The following BCO1 variants were observed in gnomAD, a reference collection of about 807,000 sequenced individuals.
BCO1 encodes beta-carotene oxygenase 1, also known as beta,beta-carotene 15,15'-dioxygenase.
Under a neutral mutation model 56.3 loss-of-function variants are expected in BCO1, and 54 were observed. That is an observed-to-expected ratio of 0.96 (90% CI 0.77 to 1.20). The LOEUF (loss-of-function observed/expected upper bound fraction) is 1.20, where lower values mean the gene tolerates loss of function less well. Ranked by LOEUF, BCO1 falls within the 50% of genes most tolerant of loss-of-function variation. The pLI, the probability that BCO1 is intolerant of heterozygous loss-of-function variation, is 0.00. For missense variants in BCO1, 801 were observed against 690.9 expected, an observed-to-expected ratio of 1.16 and a Z score of -1.79; for synonymous variants, 318 against 266.1, an observed-to-expected ratio of 1.20 and a Z score of -1.90.
At chr16:81,283,484 C>A in intron 8 of BCO1, among the ~76,000 whole-genome samples, 1 of 152,154 alleles carries the variant, frequency 6.6e-6, no homozygotes, top group Middle Eastern at 3.4e-3. Flanking sequence ...GTAGTCCCAG[C>A]TACTTGGGAG....
chr16:81,260,712 T>C (rs958606690), intron 3 of BCO1, among the ~76,000 whole-genome samples: 2 of 152,192 alleles, frequency 1.3e-5, no homozygotes, highest in African/African-American at 2.4e-5. Context: ...TTTCACCATG[T>C]TGATCAGGCT....
At chr16:81,264,524 T>G in intron 4 of BCO1, 116 bp from the exon 5 acceptor site, 1 of 1,231,240 alleles carries the variant, frequency 8.1e-7, no homozygotes, top group Non-Finnish European at 1.2e-6. Flanking sequence ...GAACCTAGAA[T>G]CAGTCACGTT....
chr16:81,248,294 T>C (rs1041173443), intron 2 of BCO1, among the ~76,000 whole-genome samples: 4 of 151,560 alleles, frequency 2.6e-5, no homozygotes, highest in Non-Finnish European at 4.4e-5. Flanking sequence ...TCCCAGCTAC[T>C]TGGGAGGCTG....
At chr16:81,249,885 G>A (rs1411817043) in intron 2 of BCO1, among the ~76,000 whole-genome samples, 1 of 152,174 alleles carries the variant, frequency 6.6e-6, no homozygotes, top group Non-Finnish European at 1.5e-5. Context: ...GGCCCAGAGT[G>A]CGGGGAGCCT....
At chr16:81,289,483 A>C (rs1321843834) in intron 10 of BCO1, among the ~76,000 whole-genome samples, 2 of 152,156 alleles carry the variant, frequency 1.3e-5, no homozygotes, top group Non-Finnish European at 2.9e-5. Flanking sequence ...CTGACAAAAA[A>C]TACAAAAATT....
chr16:81,262,705 G>C (rs1166149033), intron 4 of BCO1: 1 of 315,604 alleles, frequency 3.2e-6, no homozygotes, highest in Admixed American at 4.4e-5. Context: ...GCATGTGCCT[G>C]TAATCCCAGC....
chr16:81,247,265 A>G (rs1377798032), intron 2 of BCO1, among the ~76,000 whole-genome samples: 1 of 152,200 alleles, frequency 6.6e-6, no homozygotes. Context: ...TTTCCTCATC[A>G]GTAAAATGAG....
At chr16:81,264,549 A>G in intron 4 of BCO1, 91 bp from the exon 5 acceptor site, 1 of 1,486,134 alleles carries the variant, frequency 6.7e-7, no homozygotes, top group East Asian at 2.3e-5. Flanking sequence ...TAGGACTTCA[A>G]CCTTTCTCCT....
intron 2 of BCO1, among the ~76,000 whole-genome samples, chr16:81,254,657 C>T (rs866154574): frequency 6.6e-6 from 1 of 152,090 alleles, no homozygotes; most frequent in African/African-American, 2.4e-5. Flanking sequence ...CATTCAAATC[C>T]TTTGGCAATG....
At chr16:81,241,706 G>T (rs1337569845) in intron 1 of BCO1, among the ~76,000 whole-genome samples, 1 of 152,186 alleles carries the variant, frequency 6.6e-6, no homozygotes, top group South Asian at 2.1e-4. Context: ...GCAGTGACTT[G>T]CCAAGGCCAG....
chr16:81,239,590 G>A (rs895289597), intron 1 of BCO1, among the ~76,000 whole-genome samples: 1 of 152,134 alleles, frequency 6.6e-6, no homozygotes, highest in Non-Finnish European at 1.5e-5. Context: ...TGATGTATTT[G>A]TGCAAATGTA....
rs1336380501 is a variant in BCO1, at chr16:81,280,233, G to A, written c.1102-624G>A. Among the ~76,000 whole-genome samples, 9 of 116,410 alleles carry A rather than the reference G, an allele frequency of 7.7e-5. No homozygotes were observed. In the South Asian group the frequency reaches 1.5e-3, roughly 20 times the overall value. 76.4% of individuals were successfully genotyped at this position (116,410 alleles called of 152,430 possible). On this transcript the variant is annotated intron_variant, in intron 7 of 10. Transcript: ENST00000258168. ...AGCCAAGATCACACCACTGCACTCC[G>A]GACTCCAGTCTGGGCAACAGAGTGA...
chr16:81,247,099 C>G (rs1232948777), intron 2 of BCO1, among the ~76,000 whole-genome samples: 1 of 152,112 alleles, frequency 6.6e-6, no homozygotes, highest in African/African-American at 2.4e-5. Context: ...AAATCAAGAG[C>G]CGAGTTCTTA....
At chr16:81,249,397 C>G (rs540718403) in intron 2 of BCO1, among the ~76,000 whole-genome samples, 1 of 152,236 alleles carries the variant, frequency 6.6e-6, no homozygotes, top group African/African-American at 2.4e-5. Context: ...GCTGGGACTA[C>G]AGGCTCCCAC....
rs975127966 is a variant in BCO1 at position 81,261,240 on chromosome 16, G to C, written c.324-896G>C. On this transcript the variant is annotated intron_variant, in intron 3 of 10. Coordinates refer to ENST00000258168, the MANE Select transcript of BCO1 (RefSeq NM_017429.3). ...CTCCTTTTTGTTCCAGTGTTTGCCAGTAGGAGGAGCACTCCCCAATACACC... is the reference window on the plus strand; with the variant it reads ...CTCCTTTTTGTTCCAGTGTTTGCCACTAGGAGGAGCACTCCCCAATACACC... 6.6e-5 allele frequency among the ~76,000 whole-genome samples: 10 copies of C among 152,196 alleles called. No homozygotes were observed. The East Asian group carries it at 9.6e-4, about 15-fold the overall frequency.
intron 2 of BCO1, among the ~76,000 whole-genome samples, chr16:81,255,598 C>T (rs1041101975): frequency 1.5e-4 from 23 of 150,844 alleles, no homozygotes; most frequent in African/African-American, 3.7e-4. Flanking sequence ...CTCCTGGGTT[C>T]GAGCGATTCT....
chr16:81,278,036 GTTTAT>G (rs1401451697), intron 7 of BCO1, among the ~76,000 whole-genome samples: 1 of 152,040 alleles, frequency 6.6e-6, no homozygotes, highest in Middle Eastern at 3.4e-3. Context: ...GAAAGTTTCT[GTTTAT>G]TTTATTTTAT....
chr16:81,282,110 G>C (rs1907916342), intron 8 of BCO1, among the ~76,000 whole-genome samples: 1 of 152,240 alleles, frequency 6.6e-6, no homozygotes, highest in South Asian at 2.1e-4. Flanking sequence ...TGGGCACGGT[G>C]GCTCACGCCT....
chr16:81,279,786 TG>T (rs1907759991), intron 7 of BCO1, among the ~76,000 whole-genome samples: 1 of 152,190 alleles, frequency 6.6e-6, no homozygotes. Flanking sequence ...AAAATCTGAC[TG>T]TAAATTGAGA....
Sources: allele counts gnomAD v4.1 joint callset (sites outside exome capture counted in the v4.1 genomes callset), GRCh38; gene constraint gnomAD v4.1.1; transcripts MANE v1.5; gene names NCBI Gene and HGNC (gene_info 2026-07-23, HGNC 2026-07-21).